INSIG2: variants seen among roughly 807,000 people sequenced by gnomAD.
INSIG2 encodes insulin induced gene 2.
In INSIG2, 10 loss-of-function variants were observed where a neutral mutation model predicts 27.2. That is an observed-to-expected ratio of 0.37 (90% CI 0.23 to 0.62). INSIG2 has a LOEUF of 0.62. INSIG2 is among the 20% of genes least tolerant of loss of function. The pLI is 0.65. For synonymous variants in INSIG2, 97 were observed against 95.8 expected (o/e 1.01, Z -0.07); for missense variants, 178 against 270.2 (o/e 0.66, Z 2.39).
chr2:118,110,317 T>G lies in INSIG2; in HGVS notation c.*1995T>G, dbSNP rs1678781974. 6.6e-6 allele frequency: 1 copy of G among 152,242 alleles called. No individual in the cohort carries two copies. The highest frequency in any genetic ancestry group is 1.5e-5 in the Non-Finnish European group (1 of 68,042). 9.4% of individuals were successfully genotyped at this position (152,242 alleles called of 1,614,324 possible). Reference sequence around the variant, plus strand: ...CATATTGTGTATGGTATATGTATTATATACTGTTTTCTTACAATAGTGTAA... The same window carrying G: ...CATATTGTGTATGGTATATGTATTAGATACTGTTTTCTTACAATAGTGTAA... On this transcript the variant is annotated 3_prime_UTR_variant, in exon 6 of 6. Transcript: ENST00000245787.
intron 1 of INSIG2, among the ~76,000 whole-genome samples, chr2:118,088,860 T>A (rs775359772): frequency 8.5e-5 from 13 of 152,100 alleles, no homozygotes; most frequent in Non-Finnish European, 1.3e-4. Flanking sequence ...CCCAATGGTC[T>A]GATGAGGTGG....
At chr2:118,102,192 A>G (rs942476459) in intron 2 of INSIG2, among the ~76,000 whole-genome samples, 4 of 152,234 alleles carry the variant, frequency 2.6e-5, no homozygotes, top group Non-Finnish European at 5.9e-5. Flanking sequence ...TATTGCCAGA[A>G]TGGCACAACA....
At position 118,096,457 on chromosome 2, in the gene INSIG2, C is replaced by A; in HGVS notation, c.-100C>A. The A allele has an allele frequency of 8.2e-7, 1 of 1,213,904 alleles. No homozygotes were observed. The highest frequency in any genetic ancestry group is 1.5e-5 in the African/African-American group (1 of 65,572). The allele number at this position is 1,213,904 out of a possible 1,614,324, so 75.2% of individuals were successfully genotyped here. A position where few individuals can be genotyped will look rare whatever the true frequency, so the allele number is the denominator to read the frequency against. On this transcript the variant is annotated 5_prime_UTR_variant, in exon 2 of 6. It introduces an in-frame stop codon into an upstream open reading frame of the 5' UTR. Transcript: ENST00000245787. ...TCCTACTTTAGGACAAGATGTGGTA[C>A]CGTTGAAGCGTCAGTCTTTGATTCA...
Position 118,108,267 on chromosome 2 carries a change from T to G in INSIG2, c.637-14T>G, listed in dbSNP as rs915294714. On this transcript the variant is annotated splice_polypyrimidine_tract_variant and intron_variant, in intron 5 of 5. Coordinates refer to ENST00000245787, the MANE Select transcript of INSIG2 (RefSeq NM_016133.4). ...TCTTAATCTGTTAACCTTTTAACCT[T>G]TTAATTTTTGCAGTACGAATGTAAA... 4 of 1,575,966 alleles carry G rather than the reference T, an allele frequency of 2.5e-6. No individual in the cohort carries two copies. The highest frequency in any genetic ancestry group is 3.5e-6 in the Non-Finnish European group (4 of 1,156,930).
At chr2:118,098,783 T>C (rs1678472030) in intron 2 of INSIG2, among the ~76,000 whole-genome samples, 1 of 152,218 alleles carries the variant, frequency 6.6e-6, no homozygotes, top group South Asian at 2.1e-4. Context: ...ACTACTTTCC[T>C]TCCTGTTCCC....
rs1678729595 is a variant in INSIG2, at chr2:118,108,432, C to G, written c.*110C>G. On this transcript the variant is annotated 3_prime_UTR_variant, in exon 6 of 6. Coordinates refer to ENST00000245787, the MANE Select transcript of INSIG2 (RefSeq NM_016133.4). ...AAAATTGCCAGGATGCAGTTTTCCC[C>G]TTGATTGGCGTGTGTGTATATATGG... 1 of 762,134 alleles carries G rather than the reference C, an allele frequency of 1.3e-6. No individual in the cohort carries two copies. Among genetic ancestry groups the G allele is most frequent in the East Asian group, 2.6e-5 (1 of 38,270 alleles). 47.2% of individuals were successfully genotyped at this position (762,134 alleles called of 1,614,324 possible).
intron 2 of INSIG2, among the ~76,000 whole-genome samples, chr2:118,101,872 A>G (rs542197263): frequency 6.6e-6 from 1 of 152,328 alleles, no homozygotes; most frequent in South Asian, 2.1e-4. Context: ...GCCTAACTCA[A>G]AAGAGTTGTG....
At position 118,109,374 on chromosome 2, in the gene INSIG2, A is replaced by C. The variant is rs1678757426; in HGVS notation, c.*1052A>C. 6.6e-6 allele frequency: 1 copy of C among 152,188 alleles called. No individual in the cohort carries two copies. Among genetic ancestry groups the C allele is most frequent in the African/African-American group, 2.4e-5 (1 of 41,438 alleles). 9.4% of individuals were successfully genotyped at this position (152,188 alleles called of 1,614,324 possible). A position where few individuals can be genotyped will look rare whatever the true frequency, so the allele number is the denominator to read the frequency against. On this transcript the variant is annotated 3_prime_UTR_variant, in exon 6 of 6. Transcript: ENST00000245787. ...TACATGCAGTCTTGGGGGTGGATGA[A>C]TACATAATTTCTCATGTATTCGTGT...
At chr2:118,094,389 G>GATGATGAT (rs58844046) in intron 1 of INSIG2, among the ~76,000 whole-genome samples, 161 of 148,140 alleles carry the variant, frequency 1.1e-3, no homozygotes, top group Middle Eastern at 3.5e-3. Flanking sequence ...TGATGATGAT[G>GATGATGAT]GAGAGTTCTG....
chr2:118,106,370 A>G (rs1235581182), intron 3 of INSIG2, among the ~76,000 whole-genome samples: 2 of 152,216 alleles, frequency 1.3e-5, no homozygotes, highest in Non-Finnish European at 2.9e-5. Context: ...GTGTTCCTTT[A>G]GTGATACTTG....
At chr2:118,104,747 G>A (rs1008846952) in intron 3 of INSIG2, among the ~76,000 whole-genome samples, 1 of 152,106 alleles carries the variant, frequency 6.6e-6, no homozygotes, top group East Asian at 1.9e-4. Flanking sequence ...TCCTACCCAG[G>A]AACCTCAAAA....
Position 118,103,384 on chromosome 2 carries a change from A to C in INSIG2, c.369+63A>C, listed in dbSNP as rs1225391535. 5 of 1,454,060 alleles carry C rather than the reference A, an allele frequency of 3.4e-6. No individual in the cohort carries two copies. The East Asian group carries it at 1.1e-4, about 33-fold the overall frequency. The allele number at this position is 1,454,060 out of a possible 1,614,324, so 90.1% of individuals were successfully genotyped here. A position where few individuals can be genotyped will look rare whatever the true frequency, so the allele number is the denominator to read the frequency against. Reference sequence around the variant, plus strand: ...GTGGCTTCCAACAAACCAAAGGTTAAACAGCCCCTTACAACTTCACTGTTG... The same window carrying C: ...GTGGCTTCCAACAAACCAAAGGTTACACAGCCCCTTACAACTTCACTGTTG... On this transcript the variant is annotated intron_variant, in intron 3 of 5. Transcript: ENST00000245787.
intron 1 of INSIG2, among the ~76,000 whole-genome samples, chr2:118,093,015 TGAGGAGGAGGAGGAGGAG>T (rs779340110): frequency 2.2e-5 from 2 of 91,998 alleles, no homozygotes; most frequent in Non-Finnish European, 2.4e-5. Context: ...ATGATGATGA[TGAGGAGGAGGAGGAGGAG>T]GAGGAGGAGA....
At chr2:118,089,886 A>G (rs539045745) in intron 1 of INSIG2, among the ~76,000 whole-genome samples, 3 of 152,352 alleles carry the variant, frequency 2.0e-5, no homozygotes, top group South Asian at 4.1e-4. Context: ...AGGCACTGAG[A>G]TGTGACATTT....
At chr2:118,095,355 G>A (rs987397386) in intron 1 of INSIG2, among the ~76,000 whole-genome samples, 2 of 152,200 alleles carry the variant, frequency 1.3e-5, no homozygotes, top group Non-Finnish European at 2.9e-5. Context: ...TGAGGGCTTT[G>A]GAGTCAGACT....
At position 118,096,615 on chromosome 2, in the gene INSIG2, C is replaced by T. The variant is rs765960423; in HGVS notation, c.59C>T (p.Ser20Phe). Residue 20 changes from serine (S) to phenylalanine (F), a missense_variant, in exon 2 of 6, where the codon TCT (serine) becomes TTT (phenylalanine). Coordinates refer to ENST00000245787, the MANE Select transcript of INSIG2 (RefSeq NM_016133.4). ...GPKKCGPYIS[S>F]VTSQSVNLMI... is the part of the protein sequence containing the mutation. The stretch of plus-strand genomic sequence containing the variant: ...AAAAAGTGTGGCCCATATATTTCAT[C>T]TGTCACTAGCCAGAGTGTGAACTTG... The T allele has an allele frequency of 3.7e-6, 6 of 1,613,678 alleles. No homozygotes were observed. In the South Asian group the frequency reaches 4.4e-5, roughly 12 times the overall value.
Position 118,108,388 on chromosome 2 carries a change from C to A in INSIG2, c.*66C>A. The stretch of plus-strand genomic sequence containing the variant: ...AAAGGATGTGAAATGGTAGATATAC[C>A]AACAAAACTTCAGACTGTAAAATTG... On this transcript the variant is annotated 3_prime_UTR_variant, in exon 6 of 6. Coordinates refer to ENST00000245787, the MANE Select transcript of INSIG2 (RefSeq NM_016133.4). 8.0e-7 allele frequency: 1 copy of A among 1,243,982 alleles called. No individual in the cohort carries two copies. Among genetic ancestry groups the A allele is most frequent in the Non-Finnish European group, 1.2e-6 (1 of 862,570 alleles). 77.1% of individuals were successfully genotyped at this position (1,243,982 alleles called of 1,614,324 possible).
intron 1 of INSIG2, among the ~76,000 whole-genome samples, chr2:118,089,106 C>T (rs1370214510): frequency 1.3e-5 from 2 of 152,102 alleles, no homozygotes; most frequent in African/African-American, 2.4e-5. Flanking sequence ...TTGCCAGGGC[C>T]TAGAAGTGGA....
At chr2:118,091,520 T>C (rs563661033) in intron 1 of INSIG2, among the ~76,000 whole-genome samples, 3 of 152,328 alleles carry the variant, frequency 2.0e-5, no homozygotes, top group South Asian at 2.1e-4. Flanking sequence ...TATGGAACTT[T>C]CATCCCAGAA....
Sources: allele counts gnomAD v4.1 joint callset (sites outside exome capture counted in the v4.1 genomes callset), GRCh38; gene constraint gnomAD v4.1.1; transcripts MANE v1.5; gene names NCBI Gene and HGNC (gene_info 2026-07-23, HGNC 2026-07-21).